Variants in PHACTR2 observed in about 807,000 individuals in gnomAD.
PHACTR2 encodes the protein chromosome 6 open reading frame 56.
Under a neutral mutation model 76.0 loss-of-function variants are expected in PHACTR2, and 30 were observed. The ratio of observed to expected loss-of-function variants is 0.39; its 90% confidence interval spans 0.30 to 0.54. PHACTR2 has a LOEUF of 0.54. Among genes scored for constraint, PHACTR2 ranks in the 20% least tolerant of loss-of-function variants. The pLI is 0.61. For missense variants in PHACTR2, 696 were observed against 781.1 expected (o/e 0.89, Z 1.30); for synonymous variants, 292 against 292.5 (o/e 1.00, Z 0.02).
chr6:143,715,229 T>C (rs1014363274), intron 2 of PHACTR2, among the ~76,000 whole-genome samples: 1 of 152,236 alleles, frequency 6.6e-6, no homozygotes, highest in Non-Finnish European at 1.5e-5. Context: ...CCTGCCTTAA[T>C]GTCCAAAATA....
rs139120877 is a variant in PHACTR2 at position 143,622,536 on chromosome 6, A to G, written c.13+14214A>G. On this transcript the variant is annotated intron_variant, in intron 1 of 11. Transcript: ENST00000305766. ...TGCTGGCTGACTCACTTCTTCTGCC[A>G]TTGTTACCAAGCTACAGAATGTTCT... Among the ~76,000 whole-genome samples, 1,153 of 152,322 alleles carry G rather than the reference A, an allele frequency of 7.6e-3. 9 individuals are homozygous for G. The highest frequency in any genetic ancestry group is 0.014 in the Middle Eastern group (4 of 294).
At position 143,647,194 on chromosome 6, in the gene PHACTR2, T is replaced by C. The variant is rs1320852123; in HGVS notation, c.13+38872T>C. ...TTGCAAAGGTACTAAGTATTATCTA[T>C]TATAATATGTGTTTTGCATCCCTTT... On this transcript the variant is annotated intron_variant, in intron 1 of 11. Transcript: ENST00000305766. This position sits in a 1 kb window ranked among gnomAD's most constrained non-coding sequence, Gnocchi z 4.2. Among the ~76,000 whole-genome samples the C allele has an allele frequency of 1.3e-5, 2 of 152,226 alleles. No homozygotes were observed. The highest frequency in any genetic ancestry group is 2.9e-5 in the Non-Finnish European group (2 of 68,038).
chr6:143,749,224 G>T (rs1779134093), intron 3 of PHACTR2, among the ~76,000 whole-genome samples, 159 bp downstream of exon 3: 1 of 152,172 alleles, frequency 6.6e-6, no homozygotes, highest in Non-Finnish European at 1.5e-5. Context: ...GCCTTTGTGA[G>T]CTGCAGAGAA....
At chr6:143,817,015 G>A (rs1050033293) in intron 12 of PHACTR2, among the ~76,000 whole-genome samples, 3 of 152,118 alleles carry the variant, frequency 2.0e-5, no homozygotes, top group African/African-American at 4.8e-5. Context: ...GCAGTGAGCC[G>A]AGATCATGCC....
rs1775636803 is a variant in PHACTR2, at chr6:143,789,855, AG to A, written c.1845+946del. Reference sequence around the variant, plus strand: ...CCTTAGCTCATAAGTAGAAATGAAAAGTAAGAAGGAATAAGATCACAAAGGA... The same window carrying A: ...CCTTAGCTCATAAGTAGAAATGAAAATAAGAAGGAATAAGATCACAAAGGA... On this transcript the variant is annotated intron_variant, in intron 11 of 12. Coordinates refer to ENST00000440869, the MANE Select transcript of PHACTR2 (RefSeq NM_001100164.2). The surrounding 1 kb of genome is among the most constrained non-coding windows in gnomAD (Gnocchi z 5.1). Among the ~76,000 whole-genome samples, 1 of 152,248 alleles carries A rather than the reference AG, an allele frequency of 6.6e-6. No homozygotes were observed. The highest frequency in any genetic ancestry group is 1.5e-5 in the Non-Finnish European group (1 of 68,036).
intron 1 of PHACTR2, among the ~76,000 whole-genome samples, chr6:143,699,197 G>C (rs1411963238): frequency 6.6e-6 from 1 of 152,024 alleles, no homozygotes; most frequent in Non-Finnish European, 1.5e-5. Context: ...ATCTCGCTAT[G>C]ACCTGAAGGA....
At position 143,608,438 on chromosome 6, in the gene PHACTR2, C is replaced by T. The variant is rs536571019; in HGVS notation, c.13+116C>T. 138 of 996,280 alleles carry T rather than the reference C, an allele frequency of 1.4e-4. 2 individuals carry two copies. The South Asian group carries it at 1.7e-3, about 13-fold the overall frequency. 61.7% of individuals were successfully genotyped at this position (996,280 alleles called of 1,614,324 possible). The stretch of plus-strand genomic sequence containing the variant: ...TCGTTTTGCACTTAAATGTTCAAGA[C>T]TGAGACGCGTGTAATATGTGAACCC... On this transcript the variant is annotated intron_variant, in intron 1 of 11. Coordinates refer to the PHACTR2 transcript ENST00000305766. The surrounding 1 kb of genome is among the most constrained non-coding windows in gnomAD (Gnocchi z 4.6).
At position 143,574,160 on chromosome 6, in the gene PHACTR2, T is replaced by G. The variant is rs560767600; in HGVS notation, c.217+36953T>G. Among the ~76,000 whole-genome samples the G allele has an allele frequency of 2.6e-5, 4 of 152,306 alleles. No homozygotes were observed. The East Asian group carries it at 5.8e-4, about 22-fold the overall frequency. On this transcript the variant is annotated intron_variant, in intron 1 of 11. Coordinates refer to the PHACTR2 transcript ENST00000367584. ...CAGCTGTGTGGCTGAGTGCCCCTGG[T>G]TTGCTGGCTGTTCACTGGAAGCTGC...
At chr6:143,762,907 T>C (rs1217090343) in intron 5 of PHACTR2, among the ~76,000 whole-genome samples, 1 of 152,158 alleles carries the variant, frequency 6.6e-6, no homozygotes, top group African/African-American at 2.4e-5. Context: ...TAATTGAAGG[T>C]AACTTAAGCA....
chr6:143,638,576 T>TACACAC (rs113707533), intron 1 of PHACTR2, among the ~76,000 whole-genome samples: 3,752 of 146,960 alleles, frequency 0.026, 153 homozygotes, highest in African/African-American at 0.088. Flanking sequence ...CACACACACA[T>TACACAC]ACACACACAC....
At chr6:143,799,923 T>G (rs1364462091) in intron 11 of PHACTR2, among the ~76,000 whole-genome samples, 1 of 152,316 alleles carries the variant, frequency 6.6e-6, no homozygotes, top group African/African-American at 2.4e-5. Flanking sequence ...TGAGTTCAAG[T>G]CCTGGATATC....
chr6:143,796,623 ATTG>A (rs753110842), intron 11 of PHACTR2, among the ~76,000 whole-genome samples: 1 of 147,706 alleles, frequency 6.8e-6, no homozygotes, highest in Non-Finnish European at 1.5e-5. Flanking sequence ...ATGTGTTCTT[ATTG>A]TTCAACTCCC....
At chr6:143,752,078 T>C (rs1779194691) in intron 3 of PHACTR2, among the ~76,000 whole-genome samples, 1 of 152,148 alleles carries the variant, frequency 6.6e-6, no homozygotes, top group Admixed American at 6.5e-5. Flanking sequence ...GATAAGACAC[T>C]TTCTTCTTGT....
In PHACTR2 at chr6:143,653,170, A is replaced by T. The variant is rs1255175046; in HGVS notation, c.13+44848A>T. 1.3e-5 allele frequency among the ~76,000 whole-genome samples: 2 copies of T among 152,160 alleles called. No homozygotes were observed. Among genetic ancestry groups the T allele is most frequent in the Non-Finnish European group, 2.9e-5 (2 of 68,026 alleles). Reference sequence around the variant, plus strand: ...CATTGAACTTTGGCCCTCTGGAAACAAGGCCAGTCGCAAGACACGTCAGGA... The same window carrying T: ...CATTGAACTTTGGCCCTCTGGAAACTAGGCCAGTCGCAAGACACGTCAGGA... On this transcript the variant is annotated intron_variant, in intron 1 of 11. Coordinates refer to the PHACTR2 transcript ENST00000305766. The surrounding 1 kb of genome is among the most constrained non-coding windows in gnomAD (Gnocchi z 4.9).
chr6:143,814,763 T>C (rs547728959), intron 12 of PHACTR2, among the ~76,000 whole-genome samples: 21 of 152,160 alleles, frequency 1.4e-4, no homozygotes, highest in East Asian at 5.8e-4. Flanking sequence ...CCACTACGCC[T>C]GGCTAATTTT....
rs1776428023 is a variant in PHACTR2, at chr6:143,821,963, CT to C, written c.1923-1710del. ...TGAGATCGCACCACTGCACTCCAGCCTGGGCAATAGGAGTGAAACCCTGTCC... is the reference window on the plus strand; with the variant it reads ...TGAGATCGCACCACTGCACTCCAGCCGGGCAATAGGAGTGAAACCCTGTCC... On this transcript the variant is annotated intron_variant, in intron 12 of 12. Coordinates refer to ENST00000440869, the MANE Select transcript of PHACTR2 (RefSeq NM_001100164.2). This position sits in a 1 kb window ranked among gnomAD's most constrained non-coding sequence, Gnocchi z 5.2. Among the ~76,000 whole-genome samples the C allele has an allele frequency of 6.6e-6, 1 of 152,172 alleles. No homozygotes were observed. Among genetic ancestry groups the C allele is most frequent in the Admixed American group, 6.5e-5 (1 of 15,282 alleles).
rs75220079 is a variant in PHACTR2, at chr6:143,820,049, C to T, written c.1923-3625C>T. On this transcript the variant is annotated intron_variant, in intron 12 of 12. Transcript: ENST00000440869. This position sits in a 1 kb window ranked among gnomAD's most constrained non-coding sequence, Gnocchi z 4.2. ...GGAGAAAGAGTGGAGGAGAAGTGCC[C>T]CACACTTTTAAACCAGACCTCGTGA... Among the ~76,000 whole-genome samples, 6,005 of 151,954 alleles carry T rather than the reference C, an allele frequency of 0.04. 141 individuals are homozygous for T. Among genetic ancestry groups the T allele is most frequent in the Non-Finnish European group, 0.06 (4,045 of 67,916 alleles).
At chr6:143,673,304 C>A (rs1777188972), upstream of PHACTR2, among the ~76,000 whole-genome samples, 1 of 147,530 alleles carries the variant, frequency 6.8e-6, no homozygotes, top group Non-Finnish European at 1.5e-5. Context: ...TATATTATTA[C>A]CAAAATTTTA....
chr6:143,706,488 G>GT (rs1481261359), intron 1 of PHACTR2, among the ~76,000 whole-genome samples: 2 of 152,262 alleles, frequency 1.3e-5, no homozygotes, highest in East Asian at 3.9e-4. Context: ...GGGCTGCATG[G>GT]ATCATTCTAG....
Sources: gnomAD v4.1 joint callset for allele counts (sites outside exome capture counted in the v4.1 genomes callset) on GRCh38, gnomAD v4.1.1 for gene constraint, Gnocchi (gnomAD v3.1) non-coding constraint, MANE v1.5 for transcripts, NCBI Gene and HGNC (gene_info 2026-07-23, HGNC 2026-07-21) for gene names.